DPP9: variants seen among roughly 807,000 people sequenced by gnomAD.
DPP9 encodes the protein dipeptidyl peptidase IV-related protein-2.
DPP9 carries 50 observed loss-of-function variants against 110.7 expected under a neutral mutation model. That is an observed-to-expected ratio of 0.45 (90% CI 0.36 to 0.57). The LOEUF (loss-of-function observed/expected upper bound fraction) is 0.57, where lower values mean the gene tolerates loss of function less well. Among genes scored for constraint, DPP9 ranks in the 20% least tolerant of loss-of-function variants. The pLI is 0.00. For synonymous variants in DPP9, 561 were observed against 514.4 expected (o/e 1.09, Z -1.23); for missense variants, 1,022 against 1,217.9 (o/e 0.84, Z 2.39).
At chr19:4,699,377 C>T (rs1000267748) in intron 10 of DPP9, among the ~76,000 whole-genome samples, 1 of 151,986 alleles carries the variant, frequency 6.6e-6, no homozygotes, top group African/African-American at 2.4e-5. Flanking sequence ...GCTCTGTCTG[C>T]GAGTTCTCCA....
chr19:4,689,017 G>C lies in DPP9; in HGVS notation c.1750-125C>G, dbSNP rs548548624. On this transcript the variant is annotated intron_variant, in intron 15 of 21. Transcript: ENST00000262960. The surrounding 1 kb of genome is among the most constrained non-coding windows in gnomAD (Gnocchi z 7.0). ...CCATCCCTCTGCCCCTGCCTGTCATGAAACCTCAAAGCTCCACCCGCTGCT... is the reference window on the plus strand; with the variant it reads ...CCATCCCTCTGCCCCTGCCTGTCATCAAACCTCAAAGCTCCACCCGCTGCT... 131 of 1,146,558 alleles carry C rather than the reference G, an allele frequency of 1.1e-4. 2 individuals are homozygous for C. In the African/African-American group the frequency reaches 2.8e-3, roughly 24 times the overall value. 71.0% of individuals were successfully genotyped at this position (1,146,558 alleles called of 1,614,324 possible). A position where few individuals can be genotyped will look rare whatever the true frequency, so the allele number is the denominator to read the frequency against.
chr19:4,691,058 C>G (rs1169573008), intron 13 of DPP9, 101 bp from the exon 14 acceptor site: 46 of 837,434 alleles, frequency 5.5e-5, no homozygotes, highest in Non-Finnish European at 6.4e-5. Context: ...CACCATGGAG[C>G]CACTGAAACC....
In DPP9 at chr19:4,695,111, A is replaced by T; in HGVS notation, c.1353+267T>A. The T allele has an allele frequency of 1.7e-6, 1 of 583,166 alleles. No homozygotes were observed. Among genetic ancestry groups the T allele is most frequent in the Non-Finnish European group, 3.0e-6 (1 of 330,786 alleles). 36.1% of individuals were successfully genotyped at this position (583,166 alleles called of 1,614,324 possible). On this transcript the variant is annotated intron_variant, in intron 12 of 21. Coordinates refer to ENST00000262960, the MANE Select transcript of DPP9 (RefSeq NM_139159.5). This position sits in a 1 kb window ranked among gnomAD's most constrained non-coding sequence, Gnocchi z 4.7. ...GGCTGCAGTGAGCTATGACCACACC[A>T]CTGCACTCTAGTCTGGGCAACAGAG...
Position 4,689,817 on chromosome 19 carries a change from G to A in DPP9, c.1597-95C>T, listed in dbSNP as rs535016006. The A allele has an allele frequency of 2.7e-5, 36 of 1,324,554 alleles. No individual in the cohort carries two copies. Among genetic ancestry groups the A allele is most frequent in the African/African-American group, 2.7e-4 (18 of 67,076 alleles). 82.1% of individuals were successfully genotyped at this position (1,324,554 alleles called of 1,614,324 possible). On this transcript the variant is annotated intron_variant, in intron 14 of 21. Transcript: ENST00000262960. This position sits in a 1 kb window ranked among gnomAD's most constrained non-coding sequence, Gnocchi z 7.0. Reference sequence around the variant, plus strand: ...CACAGGAGTGGGCCCCATGTTCCTCGGACTGGGGACGCATGCTGTCCTCGC... The same window carrying A: ...CACAGGAGTGGGCCCCATGTTCCTCAGACTGGGGACGCATGCTGTCCTCGC...
Position 4,689,790 on chromosome 19 carries a change from C to T in DPP9, c.1597-68G>A. On this transcript the variant is annotated intron_variant, in intron 14 of 21. Coordinates refer to ENST00000262960, the MANE Select transcript of DPP9 (RefSeq NM_139159.5). This position sits in a 1 kb window ranked among gnomAD's most constrained non-coding sequence, Gnocchi z 7.0. ...CCTGGGCCCACACCCCTCTCCACGC[C>T]CCACAGGAGTGGGCCCCATGTTCCT... 2 of 1,460,774 alleles carry T rather than the reference C, an allele frequency of 1.4e-6. No individual in the cohort carries two copies. Among genetic ancestry groups the T allele is most frequent in the Non-Finnish European group, 1.8e-6 (2 of 1,093,044 alleles). The allele number at this position is 1,460,774 out of a possible 1,614,324, so 90.5% of individuals were successfully genotyped here.
intron 3 of DPP9, among the ~76,000 whole-genome samples, chr19:4,715,202 T>A (rs2145927322): frequency 6.6e-6 from 1 of 151,966 alleles, no homozygotes; most frequent in East Asian, 1.9e-4. Flanking sequence ...TTTGTATTTT[T>A]AGTAGAGACA....
At chr19:4,677,329 G>A (rs2088994713) in intron 21 of DPP9, among the ~76,000 whole-genome samples, 1 of 152,120 alleles carries the variant, frequency 6.6e-6, no homozygotes, top group East Asian at 1.9e-4. Flanking sequence ...TGCCCCCTAG[G>A]GGTTGGTAGG....
In DPP9 at chr19:4,714,217, C is replaced by T. The variant is rs1239454267; in HGVS notation, c.177G>A (p.Ser59=). The part of the protein sequence containing the change: ...PAARFQVQKH[S]WDGLRSIIHG... Reference sequence around the variant, plus strand: ...GGATGATGCTCCGGAGCCCGTCCCACGAGTGCTTCTGCACCTGGAAGCGGG... The same window carrying T: ...GGATGATGCTCCGGAGCCCGTCCCATGAGTGCTTCTGCACCTGGAAGCGGG... Residue 59 remains serine (S), a synonymous_variant, in exon 4 of 22, where the codon TCG becomes TCA. Transcript: ENST00000262960. 7 of 1,604,524 alleles carry T rather than the reference C, an allele frequency of 4.4e-6. No homozygotes were observed. The highest frequency in any genetic ancestry group is 2.3e-5 in the East Asian group (1 of 44,340).
Position 4,706,558 on chromosome 19 carries a change from G to A in DPP9, c.314-588C>T, listed in dbSNP as rs564291052. ...GGGCCAGGCGACATGGCTCACGCCTGTCATCCCAGCACTTTGGGAGGCCGA... is the reference window on the plus strand; with the variant it reads ...GGGCCAGGCGACATGGCTCACGCCTATCATCCCAGCACTTTGGGAGGCCGA... On this transcript the variant is annotated intron_variant, in intron 4 of 21. Coordinates refer to ENST00000262960, the MANE Select transcript of DPP9 (RefSeq NM_139159.5). Among the ~76,000 whole-genome samples the A allele has an allele frequency of 7.2e-5, 11 of 152,172 alleles. No homozygotes were observed. The East Asian group carries it at 2.1e-3, about 30-fold the overall frequency.
chr19:4,705,162 CATT>C (rs1407754412), intron 5 of DPP9, among the ~76,000 whole-genome samples: 1 of 152,136 alleles, frequency 6.6e-6, no homozygotes, highest in African/African-American at 2.4e-5. Context: ...TGTTAGATAT[CATT>C]ATTGTTACAT....
rs773044281 is a variant in DPP9 at position 4,719,912 on chromosome 19, G to A, written c.-6C>T. 23 of 1,551,558 alleles carry A rather than the reference G, an allele frequency of 1.5e-5. No individual in the cohort carries two copies. Among genetic ancestry groups the A allele is most frequent in the East Asian group, 2.4e-5 (1 of 40,922 alleles). On this transcript the variant is annotated 5_prime_UTR_variant, in exon 3 of 22. Coordinates refer to ENST00000262960, the MANE Select transcript of DPP9 (RefSeq NM_139159.5). ...AGTTTCTTAACCTTCCGCATTAACC[G>A]CTCAGCTGACCTCAGGAGGGCAGGG...
Position 4,710,749 on chromosome 19 carries a change from A to T in DPP9, c.313+3332T>A, listed in dbSNP as rs545545265. ...GGGGAGGCCTGCCCCGAGAACCTGG[A>T]TGTGACGTGAGCTCAGTGCTGCCCC... On this transcript the variant is annotated intron_variant, in intron 4 of 21. Transcript: ENST00000262960. This position sits in a 1 kb window ranked among gnomAD's most constrained non-coding sequence, Gnocchi z 5.6. Among the ~76,000 whole-genome samples the T allele has an allele frequency of 5.3e-5, 8 of 152,128 alleles. No homozygotes were observed. The highest frequency in any genetic ancestry group is 1.9e-4 in the African/African-American group (8 of 41,504).
intron 14 of DPP9, among the ~76,000 whole-genome samples, 170 bp downstream of exon 14, chr19:4,690,708 C>T (rs759545868): frequency 1.3e-5 from 2 of 152,106 alleles, no homozygotes; most frequent in African/African-American, 4.8e-5. Context: ...CTGAGGCCTG[C>T]GAACTGCTGT....
At chr19:4,680,199 T>C (rs993341884) in intron 20 of DPP9, among the ~76,000 whole-genome samples, 5 of 142,022 alleles carry the variant, frequency 3.5e-5, no homozygotes, top group African/African-American at 1.3e-4. Flanking sequence ...ATCGCGCCAC[T>C]CACTCCAGCC....
At chr19:4,722,578 G>A (rs564067745) in intron 1 of DPP9, 27 bp from the exon 2 acceptor site, 2 of 702,882 alleles carry the variant, frequency 2.8e-6, no homozygotes, top group South Asian at 3.0e-5. Flanking sequence ...TGTCATGAAT[G>A]TGGCAGGTTA....
At chr19:4,688,388 C>T (rs28508571) in intron 16 of DPP9, 7,141 of 218,924 alleles carry the variant, frequency 0.033, 518 homozygotes, top group African/African-American at 0.15. Context: ...GGATTACAGG[C>T]AGAAGCCACT....
chr19:4,720,397 G>T (rs1045824792), intron 2 of DPP9, among the ~76,000 whole-genome samples: 1 of 152,088 alleles, frequency 6.6e-6, no homozygotes, highest in Admixed American at 6.5e-5. Flanking sequence ...TCTGCACGAC[G>T]CACCCCGTGG....
intron 20 of DPP9, among the ~76,000 whole-genome samples, chr19:4,681,815 C>T (rs920139701): frequency 6.7e-6 from 1 of 149,064 alleles, no homozygotes; most frequent in East Asian, 2.0e-4. Flanking sequence ...ATCCTCCTGC[C>T]TTGGCCTCCC....
chr19:4,689,732 G>A lies in DPP9; in HGVS notation c.1597-10C>T. ...CCTCATTGACCCAGATCTGCAGGGG[G>A]ACAGGGGATCCTCGTGATGCGTCCC... On this transcript the variant is annotated splice_polypyrimidine_tract_variant and intron_variant, in intron 14 of 21. Coordinates refer to ENST00000262960, the MANE Select transcript of DPP9 (RefSeq NM_139159.5). The surrounding 1 kb of genome is among the most constrained non-coding windows in gnomAD (Gnocchi z 7.0). 1.3e-6 allele frequency: 2 copies of A among 1,543,138 alleles called. No individual in the cohort carries two copies. Among genetic ancestry groups the A allele is most frequent in the Non-Finnish European group, 1.8e-6 (2 of 1,141,158 alleles).
Sources: allele counts gnomAD v4.1 joint callset (sites outside exome capture counted in the v4.1 genomes callset), GRCh38; gene constraint gnomAD v4.1.1; non-coding constraint Gnocchi (gnomAD v3.1); transcripts MANE v1.5; gene names NCBI Gene and HGNC (gene_info 2026-07-23, HGNC 2026-07-21).